MACROD2: variants seen among roughly 807,000 people sequenced by gnomAD.
The protein encoded by MACROD2 is mono-ADP ribosylhydrolase 2.
Under a neutral mutation model 70.4 loss-of-function variants are expected in MACROD2, and 36 were observed. The observed-to-expected ratio is 0.51, with a 90% CI of 0.39 to 0.68. The LOEUF (loss-of-function observed/expected upper bound fraction) is 0.68, where lower values mean the gene tolerates loss of function less well. MACROD2 is among the 30% of genes least tolerant of loss of function. The pLI, the probability that MACROD2 is intolerant of heterozygous loss-of-function variation, is 0.00. For synonymous variants in MACROD2, 172 were observed against 178.8 expected, an observed-to-expected ratio of 0.96 and a Z score of 0.30; for missense variants, 496 against 538.4, an observed-to-expected ratio of 0.92 and a Z score of 0.78.
chr20:14,172,048 G>A (rs372177366), intron 3 of MACROD2, among the ~76,000 whole-genome samples: 34 of 151,992 alleles, frequency 2.2e-4, no homozygotes, highest in Non-Finnish European at 4.3e-4. Flanking sequence ...TTAGGATTGT[G>A]ATATTTTCCT....
At chr20:14,699,753 A>G (rs112516106) in intron 5 of MACROD2, among the ~76,000 whole-genome samples, 45 of 152,086 alleles carry the variant, frequency 3.0e-4, no homozygotes, top group African/African-American at 9.4e-4. Context: ...TTATCACAGA[A>G]CTTTAAATCT....
chr20:14,475,256 T>C (rs1009288815), intron 3 of MACROD2, among the ~76,000 whole-genome samples: 3 of 152,112 alleles, frequency 2.0e-5, no homozygotes, highest in African/African-American at 7.2e-5. Context: ...ATACTTTAAC[T>C]CCATTCCCTC....
chr20:15,284,058 C>T (rs1291883693), intron 6 of MACROD2, among the ~76,000 whole-genome samples: 1 of 152,102 alleles, frequency 6.6e-6, no homozygotes, highest in African/African-American at 2.4e-5. Flanking sequence ...TAATACAACA[C>T]TGAAAATTTA....
intron 5 of MACROD2, among the ~76,000 whole-genome samples, chr20:14,718,566 C>T (rs1342310201): frequency 6.6e-6 from 1 of 152,022 alleles, no homozygotes; most frequent in African/African-American, 2.4e-5. Flanking sequence ...GCCAAGTATC[C>T]AACCTGAGAT....
chr20:15,266,128 A>C (rs1362671654), intron 6 of MACROD2, among the ~76,000 whole-genome samples: 12 of 152,230 alleles, frequency 7.9e-5, no homozygotes. Flanking sequence ...AGAATTGGAG[A>C]ATGTGGATCA....
chr20:14,434,457 T>C (rs1405006996), intron 3 of MACROD2, among the ~76,000 whole-genome samples: 3 of 134,496 alleles, frequency 2.2e-5, no homozygotes, highest in South Asian at 6.8e-4. Flanking sequence ...TTCTACACTC[T>C]CATAACACTT....
intron 3 of MACROD2, among the ~76,000 whole-genome samples, chr20:14,272,753 T>C (rs536790236): frequency 3.3e-5 from 5 of 152,244 alleles, no homozygotes; most frequent in Admixed American, 3.3e-4. Context: ...GAAACCCATC[T>C]CACATGCAGA....
chr20:15,087,887 T>C (rs1340797470), intron 5 of MACROD2, among the ~76,000 whole-genome samples: 1 of 151,972 alleles, frequency 6.6e-6, no homozygotes, highest in African/African-American at 2.4e-5. Flanking sequence ...AAAAAAATTT[T>C]AAATGGTCAA....
chr20:14,449,688 A>C (rs1232231402), intron 3 of MACROD2, among the ~76,000 whole-genome samples: 1 of 152,144 alleles, frequency 6.6e-6, no homozygotes, highest in Non-Finnish European at 1.5e-5. Context: ...CTCTATAAAG[A>C]ATTGATATTT....
At chr20:15,732,399 G>A (rs1365880370) in intron 8 of MACROD2, among the ~76,000 whole-genome samples, 3 of 152,094 alleles carry the variant, frequency 2.0e-5, no homozygotes, top group Admixed American at 2.0e-4. Context: ...ATGGAGCAAT[G>A]GACATGGCAT....
rs562854592 is a variant in MACROD2, at chr20:14,044,208, C to T, written c.164-41413C>T. 9.9e-5 allele frequency among the ~76,000 whole-genome samples: 15 copies of T among 151,798 alleles called. No homozygotes were observed. In the South Asian group the frequency reaches 1.3e-3, roughly 13 times the overall value. On this transcript the variant is annotated intron_variant, in intron 2 of 17. Coordinates refer to ENST00000684519, the MANE Select transcript of MACROD2 (RefSeq NM_001351661.2). ...GCTCAGGAGTGAAGCTGCAGACTTT[C>T]GCGGTGAGTGTTACAGCTCTTAAGG...
intron 3 of MACROD2, among the ~76,000 whole-genome samples, chr20:14,419,229 T>C (rs1267908441): frequency 6.6e-6 from 1 of 152,084 alleles, no homozygotes; most frequent in Non-Finnish European, 1.5e-5. Context: ...TAATTTTGTA[T>C]TTTTAGTAGA....
chr20:14,344,077 C>A (rs2083041223), intron 3 of MACROD2, among the ~76,000 whole-genome samples: 1 of 152,092 alleles, frequency 6.6e-6, no homozygotes, highest in African/African-American at 2.4e-5. Context: ...TTTGCTATTT[C>A]TCTGCAGTCT....
chr20:14,240,187 A>G (rs2081916316), intron 3 of MACROD2, among the ~76,000 whole-genome samples: 1 of 152,184 alleles, frequency 6.6e-6, no homozygotes, highest in Admixed American at 6.5e-5. Context: ...TCAAAAAAAT[A>G]ACACATGCTG....
intron 8 of MACROD2, among the ~76,000 whole-genome samples, chr20:15,568,445 CAG>C (rs1238170333): frequency 6.6e-6 from 1 of 152,220 alleles, no homozygotes; most frequent in African/African-American, 2.4e-5. Context: ...CTATGTCTAA[CAG>C]TGTGTGTCAA....
chr20:14,808,228 TG>T (rs1325773673), intron 5 of MACROD2, among the ~76,000 whole-genome samples: 1 of 152,014 alleles, frequency 6.6e-6, no homozygotes, highest in Non-Finnish European at 1.5e-5. Flanking sequence ...AGACTAACAG[TG>T]GATCTCTCAG....
At chr20:14,133,100 T>G (rs189135606) in intron 3 of MACROD2, among the ~76,000 whole-genome samples, 3 of 152,308 alleles carry the variant, frequency 2.0e-5, no homozygotes, top group African/African-American at 7.2e-5. Context: ...AGGAGGGTTG[T>G]TAGCCTTTTT....
At chr20:14,797,712 G>C (rs2072526946) in intron 5 of MACROD2, among the ~76,000 whole-genome samples, 1 of 152,010 alleles carries the variant, frequency 6.6e-6, no homozygotes. Flanking sequence ...CCTGCACTGG[G>C]ATATGGGCTA....
intron 5 of MACROD2, among the ~76,000 whole-genome samples, chr20:15,039,589 C>T (rs2075339819): frequency 1.3e-5 from 2 of 149,360 alleles, no homozygotes; most frequent in South Asian, 4.6e-4. Flanking sequence ...CATCACTTAA[C>T]AAACCACAGT....
Sources: allele counts gnomAD v4.1 joint callset (sites outside exome capture counted in the v4.1 genomes callset), GRCh38; gene constraint gnomAD v4.1.1; transcripts MANE v1.5; gene names NCBI Gene and HGNC (gene_info 2026-07-23, HGNC 2026-07-21).